BAZ1B: variants seen among roughly 807,000 people sequenced by gnomAD.
BAZ1B encodes tyrosine-protein kinase BAZ1B.
In BAZ1B, 22 loss-of-function variants were observed where a neutral mutation model predicts 153.8. The ratio of observed to expected loss-of-function variants is 0.14; its 90% confidence interval spans 0.10 to 0.20. The LOEUF is 0.20. Ranked by LOEUF, BAZ1B falls within the 10% of genes least tolerant of loss-of-function variation. The probability of loss-of-function intolerance (pLI) is 1.00; values close to 1 mark genes in which losing one functional copy is unlikely to be tolerated. For synonymous variants in BAZ1B, 676 were observed against 633.4 expected (o/e 1.07, Z -1.01); for missense variants, 1,325 against 1,799.3 (o/e 0.74, Z 4.77).
intron 4 of BAZ1B, among the ~76,000 whole-genome samples, chr7:73,497,502 A>T (rs1281411408): frequency 1.3e-5 from 2 of 152,200 alleles, no homozygotes; most frequent in Non-Finnish European, 2.9e-5. Context: ...ATTTCTGTAT[A>T]TATTTTATGG....
In BAZ1B at chr7:73,450,156, T is replaced by C. The variant is rs1157630068; in HGVS notation, c.3581-467A>G. 6.6e-6 allele frequency among the ~76,000 whole-genome samples: 1 copy of C among 152,072 alleles called. No homozygotes were observed. The highest frequency in any genetic ancestry group is 1.5e-5 in the Non-Finnish European group (1 of 68,008). On this transcript the variant is annotated intron_variant, in intron 14 of 19. Coordinates refer to ENST00000339594, the MANE Select transcript of BAZ1B (RefSeq NM_032408.4). The surrounding 1 kb of genome is among the most constrained non-coding windows in gnomAD (Gnocchi z 4.1). ...TCCGCCTCCCGGGTTCAAGTGATTC[T>C]CCTGCTTCAGCCTCCCAAAGTGCTG...
At chr7:73,509,336 CA>C (rs368866270) in intron 2 of BAZ1B, among the ~76,000 whole-genome samples, 4 of 149,238 alleles carry the variant, frequency 2.7e-5, no homozygotes, top group Admixed American at 6.7e-5. Flanking sequence ...AACAAACAAA[CA>C]AAAAAAAACA....
At chr7:73,451,330 G>C (rs192667545) in intron 13 of BAZ1B, among the ~76,000 whole-genome samples, 5 of 152,280 alleles carry the variant, frequency 3.3e-5, no homozygotes, top group Admixed American at 6.5e-5. Context: ...CGATTTAAAA[G>C]ATAATCAATA....
In BAZ1B at chr7:73,442,803, C is replaced by T. The variant is rs138650548; in HGVS notation, c.4016G>A (p.Arg1339Gln). 969 of 1,614,016 alleles carry T rather than the reference C, an allele frequency of 6.0e-4. 2 individuals are homozygous for T. In the Middle Eastern group the frequency reaches 8.7e-3, roughly 15 times the overall value. ...ELVLQTKRSS[R>Q]RQSLELQKCE... ...CTTCTGCAGCTCCAGGCTTTGCCTC[C>T]GGGAGCTCCGCTTGGTCTGAAGCAC... is the stretch of plus-strand genomic sequence containing the variant. Residue 1339 changes from arginine to glutamine, a missense_variant, in exon 18 of 20, where the codon CGG (arginine) becomes CAG (glutamine). Around this residue, in one of 9 missense-constraint regions of BAZ1B, gnomAD observed 271 missense variants for 337.2 expected, o/e 0.80. Transcript: ENST00000339594.
At chr7:73,517,197 AAGAG>A (rs1442579604) in intron 1 of BAZ1B, among the ~76,000 whole-genome samples, 1 of 151,552 alleles carries the variant, frequency 6.6e-6, no homozygotes, top group Middle Eastern at 3.2e-3. Flanking sequence ...ACAAAAAAAA[AAGAG>A]AGAAAGTAAG....
intron 3 of BAZ1B, among the ~76,000 whole-genome samples, chr7:73,504,379 G>C (rs1790249889): frequency 6.6e-6 from 1 of 152,092 alleles, no homozygotes; most frequent in Non-Finnish European, 1.5e-5. Context: ...AACTTAGCTA[G>C]GCGGCCAGGC....
At chr7:73,445,717 G>A (rs184007416) in intron 16 of BAZ1B, among the ~76,000 whole-genome samples, 43 of 152,088 alleles carry the variant, frequency 2.8e-4, no homozygotes, top group East Asian at 2.3e-3. Flanking sequence ...CAAAAAAGCC[G>A]GGCATGGTGG....
intron 6 of BAZ1B, among the ~76,000 whole-genome samples, chr7:73,479,790 A>C (rs1789130352): frequency 6.6e-6 from 1 of 152,018 alleles, no homozygotes; most frequent in South Asian, 2.1e-4. Flanking sequence ...TACTTGGAAA[A>C]ACCATAACCC....
chr7:73,509,473 A>G (rs1456191313), intron 2 of BAZ1B, among the ~76,000 whole-genome samples: 2 of 152,164 alleles, frequency 1.3e-5, no homozygotes, highest in Non-Finnish European at 2.9e-5. Flanking sequence ...GGGTCCCAGC[A>G]CTTTGAAAGG....
chr7:73,443,943 G>A (rs1787725549), intron 17 of BAZ1B, 41 bp downstream of exon 17: 1 of 1,610,898 alleles, frequency 6.2e-7, no homozygotes, highest in Non-Finnish European at 8.5e-7. Flanking sequence ...TAGGGAATAA[G>A]AAACAGAAAG....
intron 1 of BAZ1B, among the ~76,000 whole-genome samples, chr7:73,513,791 T>TG (rs1384147691): frequency 2.6e-5 from 4 of 152,044 alleles, no homozygotes; most frequent in Admixed American, 6.6e-5. Context: ...TCCCAGCATT[T>TG]GGGAGGACAA....
chr7:73,475,704 G>A (rs1337266732), intron 7 of BAZ1B, among the ~76,000 whole-genome samples: 1 of 152,106 alleles, frequency 6.6e-6, no homozygotes, highest in Non-Finnish European at 1.5e-5. Context: ...GGAGACTGAG[G>A]CGGGTGGATC....
chr7:73,447,385 G>C lies in BAZ1B; in HGVS notation c.3729-6C>G. On this transcript the variant is annotated splice_polypyrimidine_tract_variant and splice_region_variant and intron_variant, in intron 15 of 19. Coordinates refer to ENST00000339594, the MANE Select transcript of BAZ1B (RefSeq NM_032408.4). ...CAGACTCTTCAGTATAGTTCCTGTG[G>C]GTAGAAAAAATAATGTAGGGAACAC... The C allele has an allele frequency of 6.2e-7, 1 of 1,605,370 alleles. No individual in the cohort carries two copies. The highest frequency in any genetic ancestry group is 1.1e-5 in the South Asian group (1 of 89,868).
intron 7 of BAZ1B, among the ~76,000 whole-genome samples, chr7:73,474,581 G>A (rs1001027166): frequency 1.3e-5 from 2 of 152,112 alleles, no homozygotes; most frequent in African/African-American, 2.4e-5. Context: ...TCGAGACCTT[G>A]CCTGGTCAAC....
chr7:73,487,287 G>T (rs562434014), intron 6 of BAZ1B, among the ~76,000 whole-genome samples: 2 of 152,126 alleles, frequency 1.3e-5, no homozygotes, highest in African/African-American at 4.8e-5. Flanking sequence ...GATCAGCTGG[G>T]CGTGGTGGTA....
At chr7:73,509,727 C>G (rs189336451) in intron 2 of BAZ1B, among the ~76,000 whole-genome samples, 11 of 151,218 alleles carry the variant, frequency 7.3e-5, no homozygotes, top group African/African-American at 1.2e-4. Context: ...AACCAGGAAG[C>G]GTTAACATGT....
At chr7:73,465,209 G>A (rs1338984351) in intron 11 of BAZ1B, among the ~76,000 whole-genome samples, 1 of 152,086 alleles carries the variant, frequency 6.6e-6, no homozygotes, top group African/African-American at 2.4e-5. Flanking sequence ...GCTGGCAACT[G>A]TTCTTTAGTG....
At position 73,459,404 on chromosome 7, in the gene BAZ1B, C is replaced by A. The variant is rs799216; in HGVS notation, c.3432+132G>T. 4.6e-3 allele frequency: 2,789 copies of A among 600,514 alleles called. 45 individuals carry two copies. Among genetic ancestry groups the A allele is most frequent in the African/African-American group, 0.044 (2,234 of 50,526 alleles). The allele number at this position is 600,514 out of a possible 1,614,324, so 37.2% of individuals were successfully genotyped here. ...AGAAAGTGATTAAAAAAAAAAAAAA[C>A]ACACACACACACAAAAACACTCACT... On this transcript the variant is annotated intron_variant, in intron 13 of 19. Transcript: ENST00000339594.
chr7:73,505,040 A>C (rs937998105), intron 3 of BAZ1B, among the ~76,000 whole-genome samples: 36 of 152,104 alleles, frequency 2.4e-4, no homozygotes, highest in Admixed American at 2.0e-4. Context: ...CTACCAAGCT[A>C]TTCCCTCCCT....
Sources: gnomAD v4.1 joint callset for allele counts (sites outside exome capture counted in the v4.1 genomes callset) on GRCh38, gnomAD v4.1.1 for gene constraint, gnomAD v4.1.1 regional missense constraint, Gnocchi (gnomAD v3.1) non-coding constraint, MANE v1.5 for transcripts, NCBI Gene and HGNC (gene_info 2026-07-23, HGNC 2026-07-21) for gene names.